Variants in TANC2 observed in about 807,000 individuals in gnomAD.
TANC2 encodes tetratricopeptide repeat, ankyrin repeat and coiled-coil containing 2.
In TANC2, 26 loss-of-function variants were observed where a neutral mutation model predicts 210.5. The observed-to-expected ratio is 0.12, with a 90% CI of 0.09 to 0.17. The LOEUF is 0.17. Ranked by LOEUF, TANC2 falls within the 10% of genes least tolerant of loss-of-function variation. TANC2 has a pLI of 1.00. For synonymous variants in TANC2, 931 were observed against 967.1 expected (o/e 0.96, Z 0.69); for missense variants, 2,129 against 2,608.9 (o/e 0.82, Z 4.01).
rs541536132 is a variant in TANC2 at position 63,395,069 on chromosome 17, C to T, written c.3052-674C>T. On this transcript the variant is annotated intron_variant, in intron 17 of 27. Coordinates refer to ENST00000689528, the Ensembl canonical transcript of TANC2. ...AGGCTACTCATCTAATGAAAGGCTA[C>T]TCATCTGTTGAAACGAAGGCCCTTC... is the stretch of plus-strand genomic sequence containing the variant. Among the ~76,000 whole-genome samples, 7 of 152,252 alleles carry T rather than the reference C, an allele frequency of 4.6e-5. No individual in the cohort carries two copies. In the South Asian group the frequency reaches 1.4e-3, roughly 31 times the overall value.
chr17:63,205,393 A>G (rs2041677924), intron 7 of TANC2, among the ~76,000 whole-genome samples: 1 of 151,014 alleles, frequency 6.6e-6, no homozygotes, highest in South Asian at 2.1e-4. Context: ...CGAAAACTAC[A>G]AAACATTGCA....
chr17:63,318,568 G>A (rs2045388975), intron 10 of TANC2, among the ~76,000 whole-genome samples: 1 of 152,090 alleles, frequency 6.6e-6, no homozygotes, highest in East Asian at 1.9e-4. Context: ...TCTGTTCTGG[G>A]CATTTCACAT....
intron 7 of TANC2, among the ~76,000 whole-genome samples, chr17:63,207,610 G>A (rs1167709969): frequency 6.6e-6 from 1 of 152,068 alleles, no homozygotes; most frequent in East Asian, 1.9e-4. Flanking sequence ...ATATTCTACT[G>A]TATGAATATA....
exon 28 of TANC2, chr17:63,427,659 A>C (rs767987069): frequency 6.6e-6 from 1 of 152,276 alleles, no homozygotes; most frequent in African/African-American, 2.4e-5. Context: ...AACTGTATGT[A>C]TGAAAGCAAA....
intron 2 of TANC2, among the ~76,000 whole-genome samples, chr17:63,012,502 A>G (rs372722980): frequency 3.9e-5 from 6 of 152,118 alleles, no homozygotes; most frequent in East Asian, 1.9e-4. Flanking sequence ...CTCTTCACCT[A>G]TCTTTAACCT....
intron 5 of TANC2, among the ~76,000 whole-genome samples, chr17:63,167,389 G>C (rs1423692823): frequency 6.6e-6 from 1 of 152,086 alleles, no homozygotes; most frequent in Non-Finnish European, 1.5e-5. Context: ...TGGTTGGGTT[G>C]GTGGCATTTA....
At chr17:63,042,571 G>A (rs2144277633) in intron 2 of TANC2, among the ~76,000 whole-genome samples, 1 of 152,128 alleles carries the variant, frequency 6.6e-6, no homozygotes, top group Middle Eastern at 3.4e-3. Context: ...AATGACTGTT[G>A]TATAAGCTGT....
At chr17:63,387,096 C>T (rs1718598469) in intron 15 of TANC2, among the ~76,000 whole-genome samples, 4 of 152,110 alleles carry the variant, frequency 2.6e-5, no homozygotes, top group Admixed American at 2.6e-4. Context: ...GCAATCCTCC[C>T]ACCACCACCT....
At chr17:63,243,339 C>T (rs2042827534) in intron 8 of TANC2, among the ~76,000 whole-genome samples, 1 of 152,162 alleles carries the variant, frequency 6.6e-6, no homozygotes, top group Non-Finnish European at 1.5e-5. Context: ...TTATCTAAAA[C>T]CTCACAATTC....
chr17:63,233,993 A>G (rs1261958964), intron 7 of TANC2, among the ~76,000 whole-genome samples: 1 of 152,230 alleles, frequency 6.6e-6, no homozygotes, highest in Non-Finnish European at 1.5e-5. Flanking sequence ...TAAAAGACCA[A>G]ATTTAGGTGA....
intron 9 of TANC2, among the ~76,000 whole-genome samples, chr17:63,300,261 T>C (rs2044670222): frequency 6.6e-6 from 1 of 152,216 alleles, no homozygotes; most frequent in Non-Finnish European, 1.5e-5. Context: ...GTCTTGGCTA[T>C]ACAGGCTCTT....
At chr17:63,416,245 C>T (rs943301791) in intron 26 of TANC2, among the ~76,000 whole-genome samples, 3 of 152,156 alleles carry the variant, frequency 2.0e-5, no homozygotes, top group African/African-American at 4.8e-5. Flanking sequence ...AAGCCACGGT[C>T]CTTCCTGCCT....
At chr17:63,277,798 C>CA (rs199788654) in intron 9 of TANC2, among the ~76,000 whole-genome samples, 257 of 140,382 alleles carry the variant, frequency 1.8e-3, no homozygotes, top group African/African-American at 3.4e-3. Context: ...ATTAATTCAG[C>CA]AAAAAAAAAA....
intron 25 of TANC2, among the ~76,000 whole-genome samples, chr17:63,415,078 T>C (rs1170920844): frequency 6.6e-6 from 1 of 152,224 alleles, no homozygotes; most frequent in African/African-American, 2.4e-5. Context: ...GAGTGACTTC[T>C]AGAGGGCTGG....
intron 1 of TANC2, among the ~76,000 whole-genome samples, chr17:62,994,363 T>TC (rs896250407): frequency 9.3e-5 from 14 of 151,000 alleles, no homozygotes; most frequent in African/African-American, 3.4e-4. Flanking sequence ...TTTTTTTTTT[T>TC]GTATTTTTAG....
chr17:63,389,273 T>G (rs1366232209), intron 16 of TANC2, 35 bp from the exon 17 acceptor site: 2 of 1,528,618 alleles, frequency 1.3e-6, no homozygotes, highest in African/African-American at 2.7e-5. Context: ...TGACTCCTGT[T>G]TGTCTAATTA....
chr17:63,007,501 A>G (rs1228377710), intron 1 of TANC2, among the ~76,000 whole-genome samples: 1 of 152,148 alleles, frequency 6.6e-6, no homozygotes, highest in Non-Finnish European at 1.5e-5. Context: ...TTTGTCTTAC[A>G]TTTATCCACA....
intron 7 of TANC2, among the ~76,000 whole-genome samples, chr17:63,201,194 A>T (rs1010088034): frequency 1.7e-4 from 26 of 149,490 alleles, no homozygotes; most frequent in African/African-American, 5.4e-4. Flanking sequence ...GAGTGGATTT[A>T]AAAAAAAAAC....
At chr17:63,170,447 AAAAAG>A (rs1345792152) in intron 5 of TANC2, among the ~76,000 whole-genome samples, 3 of 151,914 alleles carry the variant, frequency 2.0e-5, no homozygotes, top group Admixed American at 6.6e-5. Context: ...AAAAAAAAAA[AAAAAG>A]AAAGAAAATT....
Sources: allele counts gnomAD v4.1 joint callset (sites outside exome capture counted in the v4.1 genomes callset), GRCh38; gene constraint gnomAD v4.1.1; transcripts MANE v1.5; gene names NCBI Gene and HGNC (gene_info 2026-07-23, HGNC 2026-07-21).